Variants in LRRTM3 observed in about 807,000 individuals in gnomAD.
LRRTM3 encodes leucine rich repeat transmembrane neuronal 3.
LRRTM3 carries 24 observed loss-of-function variants against 44.7 expected under a neutral mutation model. That is an observed-to-expected ratio of 0.54 (90% CI 0.39 to 0.76). LRRTM3 has a LOEUF of 0.76. Ranked by LOEUF, LRRTM3 falls within the 30% of genes least tolerant of loss-of-function variation. The pLI is 0.00. For missense variants in LRRTM3, 587 were observed against 702.2 expected, an observed-to-expected ratio of 0.84 and a Z score of 1.85; for synonymous variants, 277 against 278.7, an observed-to-expected ratio of 0.99 and a Z score of 0.06.
rs543514123 is a variant in LRRTM3, at chr10:67,101,380, T to C, written c.*3584T>C. On this transcript the variant is annotated 3_prime_UTR_variant, in exon 3 of 3. Coordinates refer to ENST00000361320, the MANE Select transcript of LRRTM3 (RefSeq NM_178011.5). ...ACTTACATAAAATTCTTTTTCTTTT[T>C]TTCTTTTGGCAAGATTTCTTCTTAA... Among the ~76,000 whole-genome samples the C allele has an allele frequency of 7.2e-5, 11 of 151,914 alleles. No homozygotes were observed. Among genetic ancestry groups the C allele is most frequent in the Non-Finnish European group, 1.5e-4 (10 of 67,814 alleles).
Position 66,927,938 on chromosome 10 carries a change from C to T in LRRTM3, c.1022C>T (p.Ala341Val). ...CTAAGGGAGAATACAATTATCTGTG[C>T]CAGTCCCAAAGAGCTGCAAGGAGTA... is the stretch of plus-strand genomic sequence containing the variant. ...KGLRENTIIC[A>V]SPKELQGVNV... The change falls in exon 2 of 3, where the codon GCC (alanine) becomes GTC (valine). Residue 341 changes from alanine to valine, a missense_variant. Ala to Val is a moderately conservative substitution (Grantham distance 64). Coordinates refer to ENST00000361320, the MANE Select transcript of LRRTM3 (RefSeq NM_178011.5). The surrounding 1 kb of genome is among the most constrained non-coding windows in gnomAD (Gnocchi z 4.7). 1.2e-6 allele frequency: 2 copies of T among 1,614,206 alleles called. No individual in the cohort carries two copies. Among genetic ancestry groups the T allele is most frequent in the South Asian group, 2.2e-5 (2 of 91,082 alleles).
chr10:66,927,620 A>C lies in LRRTM3; in HGVS notation c.704A>C (p.Tyr235Ser), dbSNP rs765540668. The C allele has an allele frequency of 1.2e-6, 2 of 1,614,124 alleles. No homozygotes were observed. Among genetic ancestry groups the C allele is most frequent in the South Asian group, 1.1e-5 (1 of 91,084 alleles). ...FPRLVSLQNL[Y>S]LQWNKISVIG... ...AGGTTGGTCAGCCTTCAGAACCTTT[A>C]CTTGCAGTGGAATAAAATCAGTGTC... Residue 235 changes from tyrosine to serine, a missense_variant, in exon 2 of 3, where the codon TAC (tyrosine) becomes TCC (serine). Around this residue, in one of 3 missense-constraint regions of LRRTM3, gnomAD observed 222 missense variants for 323.3 expected, o/e 0.69. Transcript: ENST00000361320. This position sits in a 1 kb window ranked among gnomAD's most constrained non-coding sequence, Gnocchi z 4.7.
intron 2 of LRRTM3, among the ~76,000 whole-genome samples, chr10:66,939,143 C>T (rs1198192503): frequency 2.6e-5 from 4 of 152,174 alleles, no homozygotes; most frequent in African/African-American, 4.8e-5. Flanking sequence ...GCCTCCAACA[C>T]TCAGAAGCTG....
At chr10:67,039,023 T>C (rs1274817465) in intron 2 of LRRTM3, among the ~76,000 whole-genome samples, 1 of 152,066 alleles carries the variant, frequency 6.6e-6, no homozygotes, top group African/African-American at 2.4e-5. Flanking sequence ...AGAAAATTCG[T>C]GTTAGAAAGG....
rs1437273617 is a variant in LRRTM3, at chr10:66,928,438, T to C, written c.1522T>C (p.Ser508Pro). ...ACCCTGCACCTATAACAAATCGGGC[T>C]CCAGGGAGTGTGAGGTATGAACCAT... ...TGPCTYNKSG[S>P]RECEIPLSMN... The change falls in exon 2 of 3, where the codon TCC becomes CCC. Residue 508 changes from serine to proline, a missense_variant. Transcript: ENST00000361320. 4 of 1,607,872 alleles carry C rather than the reference T, an allele frequency of 2.5e-6. No individual in the cohort carries two copies. Among genetic ancestry groups the C allele is most frequent in the Non-Finnish European group, 3.4e-6 (4 of 1,177,910 alleles).
intron 2 of LRRTM3, among the ~76,000 whole-genome samples, chr10:67,035,095 C>T (rs1212928868): frequency 2.0e-5 from 3 of 152,196 alleles, no homozygotes; most frequent in Non-Finnish European, 4.4e-5. Flanking sequence ...ATCTAATATT[C>T]ACCTGTATTG....
rs1858207667 is a variant in LRRTM3, at chr10:67,099,444, G to C, written c.*1648G>C. On this transcript the variant is annotated 3_prime_UTR_variant, in exon 3 of 3. Coordinates refer to ENST00000361320, the MANE Select transcript of LRRTM3 (RefSeq NM_178011.5). ...ATTGACAATACATCAATCTAACAGG[G>C]GCCAATCAAAACAATGAAGAAAAGA... 1 of 151,136 alleles carries C rather than the reference G, an allele frequency of 6.6e-6. No individual in the cohort carries two copies. Among genetic ancestry groups the C allele is most frequent in the African/African-American group, 2.4e-5 (1 of 41,202 alleles). The allele number at this position is 151,136 out of a possible 1,614,324, so 9.4% of individuals were successfully genotyped here.
chr10:67,022,210 T>C (rs896041389), intron 2 of LRRTM3, among the ~76,000 whole-genome samples: 9 of 152,066 alleles, frequency 5.9e-5, no homozygotes, highest in African/African-American at 2.2e-4. Context: ...ACACTTCCAA[T>C]ATAAAAGATA....
At chr10:66,957,060 A>G (rs1848830519) in intron 2 of LRRTM3, among the ~76,000 whole-genome samples, 1 of 152,176 alleles carries the variant, frequency 6.6e-6, no homozygotes, top group African/African-American at 2.4e-5. Context: ...AGCTCTGTCT[A>G]AATTGAATTC....
chr10:66,976,572 C>T (rs1438323117), intron 2 of LRRTM3, among the ~76,000 whole-genome samples: 1 of 152,144 alleles, frequency 6.6e-6, no homozygotes, highest in Non-Finnish European at 1.5e-5. Flanking sequence ...TAAAAATCTA[C>T]AGTGACTTCC....
intron 2 of LRRTM3, among the ~76,000 whole-genome samples, chr10:66,996,644 C>T (rs1357339291): frequency 3.7e-5 from 1 of 27,128 alleles, no homozygotes; most frequent in Non-Finnish European, 5.7e-5. Flanking sequence ...GAGACTCCGT[C>T]TCTACAAAAA....
At chr10:67,016,710 A>G (rs1589607951) in intron 2 of LRRTM3, among the ~76,000 whole-genome samples, 1 of 152,328 alleles carries the variant, frequency 6.6e-6, no homozygotes, top group East Asian at 1.9e-4. Flanking sequence ...GGGTTTGATT[A>G]TCTATTTCAA....
Position 67,098,392 on chromosome 10 carries a change from A to C in LRRTM3, c.*596A>C, listed in dbSNP as rs1858141525. On this transcript the variant is annotated 3_prime_UTR_variant, in exon 3 of 3. Coordinates refer to ENST00000361320, the MANE Select transcript of LRRTM3 (RefSeq NM_178011.5). The stretch of plus-strand genomic sequence containing the variant: ...CTACTTGTTCCAGAAATAATACATT[A>C]ACCAAAAAGGATTTAATTGTTCAGA... 1 of 152,312 alleles carries C rather than the reference A, an allele frequency of 6.6e-6. No individual in the cohort carries two copies. Among genetic ancestry groups the C allele is most frequent in the African/African-American group, 2.4e-5 (1 of 41,384 alleles). The allele number at this position is 152,312 out of a possible 1,614,324, so 9.4% of individuals were successfully genotyped here.
chr10:66,985,296 T>C (rs1448473014), intron 2 of LRRTM3, among the ~76,000 whole-genome samples: 1 of 152,208 alleles, frequency 6.6e-6, no homozygotes, highest in African/African-American at 2.4e-5. Context: ...GCACATATAA[T>C]GCAGAATTCT....
At chr10:66,942,668 C>G (rs1296957596) in intron 2 of LRRTM3, among the ~76,000 whole-genome samples, 3 of 151,918 alleles carry the variant, frequency 2.0e-5, no homozygotes, top group Middle Eastern at 3.4e-3. Flanking sequence ...CTCACTCTCT[C>G]TTTCCTTTCT....
intron 2 of LRRTM3, among the ~76,000 whole-genome samples, chr10:67,036,493 G>A (rs578143770): frequency 5.3e-5 from 8 of 152,034 alleles, no homozygotes; most frequent in Non-Finnish European, 7.4e-5. Flanking sequence ...GTGAAACCCC[G>A]TCTCTACTAA....
chr10:67,020,186 G>A (rs1388258477), intron 2 of LRRTM3, among the ~76,000 whole-genome samples: 1 of 152,018 alleles, frequency 6.6e-6, no homozygotes, highest in Non-Finnish European at 1.5e-5. Context: ...AAATTAAATG[G>A]GTGAGCCACC....
chr10:66,957,403 T>TATATATGCATATATATATATGC lies in LRRTM3; in HGVS notation c.1536+28957_1536+28958insGCATATATATATATGCATATAT, dbSNP rs1554886320. Among the ~76,000 whole-genome samples the TATATATGCATATATATATATGC allele has an allele frequency of 1.8e-3, 62 of 33,826 alleles. 4 individuals are homozygous for TATATATGCATATATATATATGC. The highest frequency in any genetic ancestry group is 2.9e-3 in the Non-Finnish European group (54 of 18,746). The allele number at this position is 33,826 out of a possible 152,430, so 22.2% of individuals were successfully genotyped here. On this transcript the variant is annotated intron_variant, in intron 2 of 2. Coordinates refer to ENST00000361320, the MANE Select transcript of LRRTM3 (RefSeq NM_178011.5). Reference sequence around the variant, plus strand: ...GTGTGTATATATATACATATATATATATATATATATGCATATATATATATG... The same window carrying TATATATGCATATATATATATGC: ...GTGTGTATATATATACATATATATATATATATGCATATATATATATGCATATATATATGCATATATATATATG...
At chr10:66,926,633 A>G (rs1442818085) in intron 1 of LRRTM3, 46 bp downstream of exon 1, 7 of 1,599,772 alleles carry the variant, frequency 4.4e-6, no homozygotes, top group Non-Finnish European at 3.4e-6. Context: ...AACAAAAAAC[A>G]AAAAACCTCT....
Sources: gnomAD v4.1 joint callset for allele counts (sites outside exome capture counted in the v4.1 genomes callset) on GRCh38, gnomAD v4.1.1 for gene constraint, gnomAD v4.1.1 regional missense constraint, Gnocchi (gnomAD v3.1) non-coding constraint, MANE v1.5 for transcripts, NCBI Gene and HGNC (gene_info 2026-07-23, HGNC 2026-07-21) for gene names.